Variants in MAP3K4 observed in about 807,000 individuals in gnomAD.
MAP3K4 encodes the protein MAP three kinase 1.
A neutral mutation model predicts 185.6 loss-of-function variants in MAP3K4; 67 were observed. That is an observed-to-expected ratio of 0.36 (90% CI 0.30 to 0.44). The LOEUF (loss-of-function observed/expected upper bound fraction) is 0.44. Ranked by LOEUF, MAP3K4 falls within the 20% of genes least tolerant of loss-of-function variation. MAP3K4 has a pLI of 1.00. For missense variants in MAP3K4, 1,551 were observed against 1,995.1 expected (o/e 0.78, Z 4.24); for synonymous variants, 702 against 710.4 (o/e 0.99, Z 0.19).
chr6:161,048,418 G>T lies in MAP3K4; in HGVS notation c.344-198G>T. The T allele has an allele frequency of 1.6e-6, 1 of 614,316 alleles. No homozygotes were observed. The highest frequency in any genetic ancestry group is 2.9e-6 in the Non-Finnish European group (1 of 347,304). The allele number at this position is 614,316 out of a possible 1,614,324, so 38.1% of individuals were successfully genotyped here. On this transcript the variant is annotated intron_variant, in intron 2 of 26. Coordinates refer to ENST00000392142, the MANE Select transcript of MAP3K4 (RefSeq NM_005922.4). The surrounding 1 kb of genome is among the most constrained non-coding windows in gnomAD (Gnocchi z 4.7). ...GAATACAGCAAATACTGGAAAAATGGATAATTTTTTTTAAAATATAGAAAA... is the reference window on the plus strand; with the variant it reads ...GAATACAGCAAATACTGGAAAAATGTATAATTTTTTTTAAAATATAGAAAA...
At chr6:161,045,302 T>C (rs1233106977) in intron 2 of MAP3K4, among the ~76,000 whole-genome samples, 1 of 152,188 alleles carries the variant, frequency 6.6e-6, no homozygotes, top group South Asian at 2.1e-4. Context: ...ACTATGTAGG[T>C]CCAAATATTA....
chr6:161,028,197 TA>T (rs1782760947), intron 1 of MAP3K4, among the ~76,000 whole-genome samples: 1 of 152,242 alleles, frequency 6.6e-6, no homozygotes, highest in Non-Finnish European at 1.5e-5. Flanking sequence ...TGCCACAGTA[TA>T]TTTTTTTTGT....
Position 161,034,401 on chromosome 6 carries a change from C to T in MAP3K4, c.295C>T (p.His99Tyr). 1.2e-6 allele frequency: 2 copies of T among 1,613,920 alleles called. No homozygotes were observed. Among genetic ancestry groups the T allele is most frequent in the South Asian group, 1.1e-5 (1 of 91,078 alleles). The change falls in exon 2 of 27, where the codon CAT (histidine) becomes TAT (tyrosine). Residue 99 changes from histidine (H) to tyrosine (Y), a missense_variant. Around this residue, in one of 16 missense-constraint regions of MAP3K4, gnomAD observed 287 missense variants for 268.8 expected, o/e 1.07. Transcript: ENST00000392142. This position sits in a 1 kb window ranked among gnomAD's most constrained non-coding sequence, Gnocchi z 4.4. ...ACAGATGAAACGCATGTCAACCAAA[C>T]ATCAGAGGAATAATGTGGGGAGGCC... is the stretch of plus-strand genomic sequence containing the variant. Reference protein sequence around the residue: ...PRQMKRMSTKHQRNNVGRPAS... With the variant: ...PRQMKRMSTKYQRNNVGRPAS...
In MAP3K4 at chr6:161,115,357, T is replaced by C. The variant is rs1429797461; in HGVS notation, c.4806+55T>C. 1.7e-5 allele frequency: 26 copies of C among 1,511,028 alleles called. No homozygotes were observed. The highest frequency in any genetic ancestry group is 1.8e-4 in the Middle Eastern group (1 of 5,618). 93.6% of individuals were successfully genotyped at this position (1,511,028 alleles called of 1,614,324 possible). On this transcript the variant is annotated intron_variant, in intron 26 of 26. Transcript: ENST00000392142. The surrounding 1 kb of genome is among the most constrained non-coding windows in gnomAD (Gnocchi z 6.0). ...ATGTTTAAGTGTTTAAGTTCTGTTT[T>C]GCATCAAGACGTTAATGAAATTTTG...
Position 161,074,336 on chromosome 6 carries a change from C to T in MAP3K4, c.2097+724C>T, listed in dbSNP as rs1785074388. On this transcript the variant is annotated intron_variant, in intron 5 of 26. Transcript: ENST00000392142. This position sits in a 1 kb window ranked among gnomAD's most constrained non-coding sequence, Gnocchi z 5.0. ...TGTCTTCTCACTTACACTGAATGTG[C>T]CCTGTGCTTTTAACCTCTGTTCACA... 6.6e-6 allele frequency among the ~76,000 whole-genome samples: 1 copy of T among 152,214 alleles called. No homozygotes were observed. Among genetic ancestry groups the T allele is most frequent in the South Asian group, 2.1e-4 (1 of 4,824 alleles).
chr6:161,112,236 A>C lies in MAP3K4; in HGVS notation c.4519+278A>C, dbSNP rs935973952. ...GTTTGCATTGTTTTTCTTAAAACTTAAAAAATGTAGACATTGTTTGTGCTC... is the reference window on the plus strand; with the variant it reads ...GTTTGCATTGTTTTTCTTAAAACTTCAAAAATGTAGACATTGTTTGTGCTC... On this transcript the variant is annotated intron_variant, in intron 24 of 26. Coordinates refer to ENST00000392142, the MANE Select transcript of MAP3K4 (RefSeq NM_005922.4). The surrounding 1 kb of genome is among the most constrained non-coding windows in gnomAD (Gnocchi z 5.1). 6.6e-6 allele frequency among the ~76,000 whole-genome samples: 1 copy of C among 152,154 alleles called. No individual in the cohort carries two copies. Among genetic ancestry groups the C allele is most frequent in the Non-Finnish European group, 1.5e-5 (1 of 68,030 alleles).
Position 161,060,686 on chromosome 6 carries a change from C to A in MAP3K4, c.1708-9922C>A, listed in dbSNP as rs1308142498. On this transcript the variant is annotated intron_variant, in intron 3 of 26. Transcript: ENST00000392142. ...CCAGGCTAGAGTGCAGTGGCGTGAT[C>A]TTGGCTCACTGCAACCTGTGTCTCC... Among the ~76,000 whole-genome samples, 3 of 140,030 alleles carry A rather than the reference C, an allele frequency of 2.1e-5. No homozygotes were observed. In the East Asian group the frequency reaches 6.4e-4, roughly 30 times the overall value. The allele number at this position is 140,030 out of a possible 152,430, so 91.9% of individuals were successfully genotyped here.
At chr6:161,102,805 A>T (rs1286199384) in intron 19 of MAP3K4, 26 bp downstream of exon 19, 1 of 686,004 alleles carries the variant, frequency 1.5e-6, no homozygotes, top group South Asian at 3.1e-5. Flanking sequence ...TTGAAGTTAA[A>T]AAAAAAAAAA....
chr6:161,010,203 C>A (rs1781781870), intron 1 of MAP3K4, among the ~76,000 whole-genome samples: 1 of 151,968 alleles, frequency 6.6e-6, no homozygotes, highest in South Asian at 2.1e-4. Flanking sequence ...TCCATTTATC[C>A]CCGAAGTGCC....
intron 19 of MAP3K4, among the ~76,000 whole-genome samples, chr6:161,104,810 C>T (rs368511676): frequency 6.6e-6 from 1 of 151,892 alleles, no homozygotes; most frequent in Non-Finnish European, 1.5e-5. Flanking sequence ...AAAATCTTGC[C>T]CTGTGCTGGG....
Position 161,082,287 on chromosome 6 carries a change from C to G in MAP3K4, c.2255+1249C>G, listed in dbSNP as rs1785496661. Among the ~76,000 whole-genome samples the G allele has an allele frequency of 6.6e-6, 1 of 151,986 alleles. No individual in the cohort carries two copies. Among genetic ancestry groups the G allele is most frequent in the African/African-American group, 2.4e-5 (1 of 41,366 alleles). ...CTTACTTTTCCATGATTCTGCTTTG[C>G]CTAATTCCTTCTGTTTGCATTTTCT... is the stretch of plus-strand genomic sequence containing the variant. On this transcript the variant is annotated intron_variant, in intron 6 of 26. Transcript: ENST00000392142. This position sits in a 1 kb window ranked among gnomAD's most constrained non-coding sequence, Gnocchi z 4.2.
rs1778430977 is a variant in MAP3K4 at position 161,113,256 on chromosome 6, G to T, written c.4626+482G>T. Among the ~76,000 whole-genome samples the T allele has an allele frequency of 1.3e-5, 2 of 152,188 alleles. 1 individual carries two copies. The highest frequency in any genetic ancestry group is 4.1e-4 in the South Asian group (2 of 4,832). Reference sequence around the variant, plus strand: ...GAACCTTCAATGCATGTGGCTAAGTGATGAAAGATGCCAGTCTAAAAAGCC... The same window carrying T: ...GAACCTTCAATGCATGTGGCTAAGTTATGAAAGATGCCAGTCTAAAAAGCC... On this transcript the variant is annotated intron_variant, in intron 25 of 26. Transcript: ENST00000392142.
In MAP3K4 at chr6:161,049,567, C is replaced by T; in HGVS notation, c.1295C>T (p.Pro432Leu). The change falls in exon 3 of 27, where the codon CCT becomes CTT. Residue 432 changes from proline to leucine, a missense_variant. Pro to Leu is a moderately conservative substitution (Grantham distance 98). This residue lies in a region of MAP3K4 where 24 missense variants were observed against 48.5 expected (regional missense o/e 0.49). Coordinates refer to ENST00000392142, the MANE Select transcript of MAP3K4 (RefSeq NM_005922.4). This position sits in a 1 kb window ranked among gnomAD's most constrained non-coding sequence, Gnocchi z 8.4. ...TGGCCAGTGTTTGAAATCCCTTCCC[C>T]TCGACCATCCAAAGGTAATGAGCCG... ...IGWPVFEIPS[P>L]RPSKGNEPEY... 3 of 1,614,176 alleles carry T rather than the reference C, an allele frequency of 1.9e-6. No homozygotes were observed. Among genetic ancestry groups the T allele is most frequent in the Non-Finnish European group, 2.5e-6 (3 of 1,180,042 alleles).
intron 1 of MAP3K4, among the ~76,000 whole-genome samples, chr6:161,003,523 A>G (rs1276626405): frequency 6.6e-6 from 1 of 152,138 alleles, no homozygotes; most frequent in East Asian, 1.9e-4. Flanking sequence ...AAAGTTGTTT[A>G]AACATTACAT....
At position 161,103,840 on chromosome 6, in the gene MAP3K4, A is replaced by G. The variant is rs1222631756; in HGVS notation, c.3856+1061A>G. 1.3e-5 allele frequency among the ~76,000 whole-genome samples: 2 copies of G among 152,220 alleles called. No individual in the cohort carries two copies. Among genetic ancestry groups the G allele is most frequent in the Non-Finnish European group, 2.9e-5 (2 of 68,048 alleles). On this transcript the variant is annotated intron_variant, in intron 19 of 26. Coordinates refer to ENST00000392142, the MANE Select transcript of MAP3K4 (RefSeq NM_005922.4). This position sits in a 1 kb window ranked among gnomAD's most constrained non-coding sequence, Gnocchi z 4.6. Reference sequence around the variant, plus strand: ...TAATACGATACTGGACTAATGTGGGATTTAAAAGAGGTAATGGCAGCAAGA... The same window carrying G: ...TAATACGATACTGGACTAATGTGGGGTTTAAAAGAGGTAATGGCAGCAAGA...
Position 161,097,808 on chromosome 6 carries a change from C to G in MAP3K4, c.3525-470C>G, listed in dbSNP as rs777639878. ...TTTTTTTTTAAAGCTTTGAGGGGAC[C>G]GGGGTGCGGTGACTCACGCCTGTAA... is the stretch of plus-strand genomic sequence containing the variant. On this transcript the variant is annotated intron_variant, in intron 16 of 26. Transcript: ENST00000392142. This position sits in a 1 kb window ranked among gnomAD's most constrained non-coding sequence, Gnocchi z 4.9. Among the ~76,000 whole-genome samples, 2 of 151,712 alleles carry G rather than the reference C, an allele frequency of 1.3e-5. 1 individual carries two copies. Among genetic ancestry groups the G allele is most frequent in the South Asian group, 4.2e-4 (2 of 4,808 alleles).
rs1231789003 is a variant in MAP3K4 at position 161,064,574 on chromosome 6, T to A, written c.1708-6034T>A. On this transcript the variant is annotated intron_variant, in intron 3 of 26. Transcript: ENST00000392142. The surrounding 1 kb of genome is among the most constrained non-coding windows in gnomAD (Gnocchi z 4.3). ...AGGCTTATTAGTAAGGTTTGGTATC[T>A]TGTAGGACAGTGTTGCCCATTGTTT... 6.6e-6 allele frequency among the ~76,000 whole-genome samples: 1 copy of A among 152,210 alleles called. No individual in the cohort carries two copies. The highest frequency in any genetic ancestry group is 2.4e-5 in the African/African-American group (1 of 41,458).
rs1467531754 is a variant in MAP3K4 at position 161,054,364 on chromosome 6, A to G, written c.1707+4385A>G. On this transcript the variant is annotated intron_variant, in intron 3 of 26. Coordinates refer to ENST00000392142, the MANE Select transcript of MAP3K4 (RefSeq NM_005922.4). This position sits in a 1 kb window ranked among gnomAD's most constrained non-coding sequence, Gnocchi z 4.2. ...GAGATGGTGTTTCACCATGTTGGTC[A>G]GGCTGGTCTCAAACTCCTGACCTCA... Among the ~76,000 whole-genome samples, 1 of 152,164 alleles carries G rather than the reference A, an allele frequency of 6.6e-6. No homozygotes were observed. Among genetic ancestry groups the G allele is most frequent in the Non-Finnish European group, 1.5e-5 (1 of 68,030 alleles).
intron 1 of MAP3K4, among the ~76,000 whole-genome samples, chr6:161,011,511 T>A (rs1781841238): frequency 6.6e-6 from 1 of 152,132 alleles, no homozygotes. Flanking sequence ...AATAAATAAT[T>A]TAGAAACTGT....
Sources: gnomAD v4.1 joint callset for allele counts (sites outside exome capture counted in the v4.1 genomes callset) on GRCh38, gnomAD v4.1.1 for gene constraint, gnomAD v4.1.1 regional missense constraint, Gnocchi (gnomAD v3.1) non-coding constraint, MANE v1.5 for transcripts, NCBI Gene and HGNC (gene_info 2026-07-23, HGNC 2026-07-21) for gene names.